Variants in HTR1F observed in about 807,000 individuals in gnomAD.
HTR1F encodes the protein 5-hydroxytryptamine (serotonin) receptor 1F, G protein-coupled.
In HTR1F, 17 loss-of-function variants were observed where a neutral mutation model predicts 24.0. The observed-to-expected ratio is 0.71, with a 90% CI of 0.48 to 1.06. HTR1F has a LOEUF of 1.06. Among genes scored for constraint, HTR1F ranks in the 50% least tolerant of loss-of-function variants. The pLI, the probability that HTR1F is intolerant of heterozygous loss-of-function variation, is 0.00. For missense variants in HTR1F, 391 were observed against 427.8 expected (o/e 0.91, Z 0.76); for synonymous variants, 186 against 156.8 (o/e 1.19, Z -1.39).
chr3:87,950,414 C>G (rs376901431), intron 2 of HTR1F, among the ~76,000 whole-genome samples: 1 of 152,150 alleles, frequency 6.6e-6, no homozygotes, highest in Non-Finnish European at 1.5e-5. Context: ...ATCTGGTACT[C>G]TAAAACCATC....
intron 2 of HTR1F, among the ~76,000 whole-genome samples, chr3:87,930,540 C>A (rs1356659792): frequency 6.6e-6 from 1 of 152,028 alleles, no homozygotes; most frequent in Admixed American, 6.6e-5. Context: ...TACTGAGAGA[C>A]AATCATATGG....
intron 1 of HTR1F, among the ~76,000 whole-genome samples, chr3:87,795,091 G>A (rs558286759): frequency 6.9e-6 from 1 of 144,658 alleles, no homozygotes; most frequent in African/African-American, 2.6e-5. Flanking sequence ...TGGTTCAAGC[G>A]ATTCTCCTGC....
intron 2 of HTR1F, among the ~76,000 whole-genome samples, chr3:87,924,108 A>G (rs1405683178): frequency 1.3e-5 from 2 of 152,180 alleles, no homozygotes; most frequent in East Asian, 3.9e-4. Flanking sequence ...ATTCAGCAAT[A>G]AAGCCATTTG....
chr3:87,888,001 T>C (rs938836751), intron 2 of HTR1F, among the ~76,000 whole-genome samples: 3 of 152,190 alleles, frequency 2.0e-5, no homozygotes, highest in Non-Finnish European at 4.4e-5. Flanking sequence ...ATCAGGCTAC[T>C]ATAAAGACAC....
At chr3:87,879,395 T>C (rs1705738497) in intron 2 of HTR1F, among the ~76,000 whole-genome samples, 1 of 152,222 alleles carries the variant, frequency 6.6e-6, no homozygotes, top group Admixed American at 6.5e-5. Context: ...GTTTTTTTAC[T>C]TACAGGTTAT....
chr3:87,848,974 A>T (rs1705013226), intron 2 of HTR1F, among the ~76,000 whole-genome samples: 1 of 151,550 alleles, frequency 6.6e-6, no homozygotes, highest in Non-Finnish European at 1.5e-5. Context: ...AAACAAATGG[A>T]AGAACATTGC....
At chr3:87,963,900 A>G (rs1463504059) in intron 2 of HTR1F, among the ~76,000 whole-genome samples, 1 of 152,132 alleles carries the variant, frequency 6.6e-6, no homozygotes, top group Non-Finnish European at 1.5e-5. Flanking sequence ...AGAGCCCCAG[A>G]GCACCAGGTT....
At chr3:87,875,225 T>C (rs1173655304) in intron 2 of HTR1F, among the ~76,000 whole-genome samples, 1 of 151,648 alleles carries the variant, frequency 6.6e-6, no homozygotes, top group Non-Finnish European at 1.5e-5. Flanking sequence ...CTGAGGCAGG[T>C]GGATCACTTG....
At chr3:87,957,956 G>A (rs1166850752) in intron 2 of HTR1F, among the ~76,000 whole-genome samples, 11 of 150,662 alleles carry the variant, frequency 7.3e-5, no homozygotes, top group African/African-American at 9.7e-5. Context: ...TTTAGTTTGC[G>A]CTCCTCCTTC....
intron 2 of HTR1F, among the ~76,000 whole-genome samples, chr3:87,900,204 C>T (rs946833268): frequency 6.6e-6 from 1 of 152,074 alleles, no homozygotes; most frequent in African/African-American, 2.4e-5. Flanking sequence ...TTTTAAACAA[C>T]ACAGTCAGAT....
chr3:87,967,874 C>A (rs949853238), intron 2 of HTR1F, among the ~76,000 whole-genome samples: 1 of 152,066 alleles, frequency 6.6e-6, no homozygotes, highest in South Asian at 2.1e-4. Context: ...TATAGTAGGG[C>A]GCAGCTGTAA....
intron 2 of HTR1F, among the ~76,000 whole-genome samples, chr3:87,879,866 A>AT (rs1182894990): frequency 6.7e-6 from 1 of 148,650 alleles, no homozygotes; most frequent in African/African-American, 2.6e-5. Flanking sequence ...ATGATGGCAT[A>AT]TTTTTTTCTG....
intron 2 of HTR1F, among the ~76,000 whole-genome samples, chr3:87,983,372 G>C (rs1397526319): frequency 6.6e-6 from 1 of 152,190 alleles, no homozygotes; most frequent in Non-Finnish European, 1.5e-5. Flanking sequence ...ATCTCTCTCA[G>C]TAAGCAGGTC....
chr3:87,945,034 T>C (rs1002027850), intron 2 of HTR1F, among the ~76,000 whole-genome samples: 1 of 152,158 alleles, frequency 6.6e-6, no homozygotes, highest in African/African-American at 2.4e-5. Context: ...TGTTTTGTTT[T>C]GTTTTTTACT....
At chr3:87,805,127 T>C (rs959132) in intron 1 of HTR1F, among the ~76,000 whole-genome samples, 45,247 of 151,918 alleles carry the variant, frequency 0.3, 8,295 homozygotes, top group South Asian at 0.49. Flanking sequence ...TGCTCCCTTA[T>C]TTGATTGTGG....
At chr3:87,849,337 G>T (rs915592741) in intron 2 of HTR1F, among the ~76,000 whole-genome samples, 1 of 151,530 alleles carries the variant, frequency 6.6e-6, no homozygotes, top group African/African-American at 2.4e-5. Flanking sequence ...TGACAAACCT[G>T]AGAAAAACAA....
At chr3:87,961,464 A>AT (rs1705058779) in intron 2 of HTR1F, among the ~76,000 whole-genome samples, 1 of 151,954 alleles carries the variant, frequency 6.6e-6, no homozygotes, top group Non-Finnish European at 1.5e-5. Context: ...GTGCTGTTAA[A>AT]TTTTTTTATA....
intron 2 of HTR1F, among the ~76,000 whole-genome samples, chr3:87,890,613 G>A (rs1228285059): frequency 1.1e-4 from 16 of 149,398 alleles, no homozygotes; most frequent in South Asian, 6.4e-4. Flanking sequence ...TTAACTGTAC[G>A]GTGGATAAAC....
chr3:87,805,565 T>C (rs1366596933), intron 1 of HTR1F, among the ~76,000 whole-genome samples: 2 of 152,112 alleles, frequency 1.3e-5, no homozygotes, highest in Non-Finnish European at 2.9e-5. Flanking sequence ...ATGGATACAA[T>C]GTGTAATTAT....
Sources: allele counts gnomAD v4.1 joint callset (sites outside exome capture counted in the v4.1 genomes callset), GRCh38; gene constraint gnomAD v4.1.1; transcripts MANE v1.5; gene names NCBI Gene and HGNC (gene_info 2026-07-23, HGNC 2026-07-21).